The following KIF5C variants were observed in gnomAD, a reference collection of about 807,000 sequenced individuals.
KIF5C encodes the protein kinesin family member 5C, also known as kinesin heavy chain isoform 5C.
Under a neutral mutation model 125.2 loss-of-function variants are expected in KIF5C, and 18 were observed. The observed-to-expected ratio is 0.14, with a 90% CI of 0.10 to 0.21. The LOEUF is 0.21. Among genes scored for constraint, KIF5C ranks in the 10% least tolerant of loss-of-function variants. The pLI is 1.00. For synonymous variants in KIF5C, 405 were observed against 434.0 expected (o/e 0.93, Z 0.83); for missense variants, 780 against 1,183.8 (o/e 0.66, Z 5.01).
Position 149,011,599 on chromosome 2 carries a change from G to A in KIF5C, c.2797G>A (p.Ala933Thr). The A allele has an allele frequency of 1.2e-6, 2 of 1,614,064 alleles. No individual in the cohort carries two copies. The highest frequency in any genetic ancestry group is 1.1e-5 in the South Asian group (1 of 91,086). Residue 933 changes from alanine (A) to threonine (T), a missense_variant, in exon 25 of 26, where the codon GCC becomes ACC. Physicochemically the swap from Ala to Thr is moderately conservative, Grantham distance 58. Coordinates refer to ENST00000435030, the MANE Select transcript of KIF5C (RefSeq NM_004522.3). ...AKPIRPGHYP[A>T]SSPTAVHAIR... Reference sequence around the variant, plus strand: ...GCCCATCCGCCCCGGACACTACCCGGCCTCATCTCCAACGGCCGTCCATGC... The same window carrying A: ...GCCCATCCGCCCCGGACACTACCCGACCTCATCTCCAACGGCCGTCCATGC...
chr2:148,920,332 T>C (rs1017968332), intron 1 of KIF5C, among the ~76,000 whole-genome samples: 2 of 152,204 alleles, frequency 1.3e-5, no homozygotes, highest in African/African-American at 4.8e-5. Context: ...TATTTACTCT[T>C]ACCTTTTACC....
intron 3 of KIF5C, 41 bp from the exon 4 acceptor site, chr2:148,937,243 A>G (rs369951019): frequency 1.0e-5 from 16 of 1,553,120 alleles, no homozygotes; most frequent in Non-Finnish European, 1.4e-5. Context: ...TGTGTCTCCC[A>G]GCATGCTTTA....
chr2:148,935,761 A>G (rs1052241419), intron 3 of KIF5C, among the ~76,000 whole-genome samples: 1 of 152,200 alleles, frequency 6.6e-6, no homozygotes, highest in African/African-American at 2.4e-5. Context: ...AGCCCTTCTC[A>G]TGTCACTAAG....
At chr2:148,948,159 A>C (rs186567730) in intron 8 of KIF5C, among the ~76,000 whole-genome samples, 10 of 151,554 alleles carry the variant, frequency 6.6e-5, no homozygotes, top group Middle Eastern at 3.4e-3. Flanking sequence ...CATCCTGGCT[A>C]ACATGGTGAA....
chr2:148,923,725 C>A (rs1681883327), intron 2 of KIF5C, among the ~76,000 whole-genome samples: 1 of 152,094 alleles, frequency 6.6e-6, no homozygotes, highest in African/African-American at 2.4e-5. Context: ...AACATGAGGG[C>A]CATTTAAATA....
At chr2:149,008,149 G>A in intron 23 of KIF5C, 82 bp downstream of exon 23, 1 of 1,447,728 alleles carries the variant, frequency 6.9e-7, no homozygotes, top group African/African-American at 1.4e-5. Context: ...ACAGTGTGCG[G>A]AGAAGGCACT....
chr2:148,981,366 C>T lies in KIF5C; in HGVS notation c.1374C>T (p.Ser458=), dbSNP rs763818065. Residue 458 remains serine (S), a synonymous_variant, in exon 14 of 26, where the codon TCC becomes TCT. Coordinates refer to ENST00000435030, the MANE Select transcript of KIF5C (RefSeq NM_004522.3). The part of the protein sequence containing the change: ...QMLDQDELLA[S]TRRDYEKIQE... ...TCTCATTTCCCCAGCTTTTAGCTTC[C>T]ACAAGAAGAGACTATGAGAAGATAC... The T allele has an allele frequency of 2.4e-5, 39 of 1,609,176 alleles. No individual in the cohort carries two copies. In the South Asian group the frequency reaches 4.2e-4, roughly 18 times the overall value.
At chr2:148,941,211 C>A (rs1442863541) in intron 4 of KIF5C, among the ~76,000 whole-genome samples, 1 of 152,174 alleles carries the variant, frequency 6.6e-6, no homozygotes, top group Non-Finnish European at 1.5e-5. Flanking sequence ...TGGCTTCTTG[C>A]ATGTGAACAT....
intron 1 of KIF5C, among the ~76,000 whole-genome samples, chr2:148,893,106 A>G (rs945039677): frequency 6.6e-6 from 1 of 152,228 alleles, no homozygotes; most frequent in Non-Finnish European, 1.5e-5. Context: ...TATTGTCAAG[A>G]TAAGAAAGTA....
At chr2:148,910,235 CA>C (rs1681278951) in intron 1 of KIF5C, among the ~76,000 whole-genome samples, 1 of 152,114 alleles carries the variant, frequency 6.6e-6, no homozygotes, top group Non-Finnish European at 1.5e-5. Flanking sequence ...AACATATGTG[CA>C]ATTTGTAATT....
At chr2:148,931,183 A>G (rs1218252601) in intron 3 of KIF5C, among the ~76,000 whole-genome samples, 1 of 152,204 alleles carries the variant, frequency 6.6e-6, no homozygotes, top group African/African-American at 2.4e-5. Flanking sequence ...AACAAAAGCA[A>G]CCTGCATTAT....
intron 15 of KIF5C, among the ~76,000 whole-genome samples, chr2:148,989,449 TA>T (rs1255118334): frequency 5.3e-5 from 8 of 152,164 alleles, no homozygotes; most frequent in Admixed American, 5.2e-4. Flanking sequence ...TGTGCTGCCG[TA>T]AACATGCACG....
intron 16 of KIF5C, 96 bp downstream of exon 16, chr2:148,991,294 T>C: frequency 1.4e-6 from 2 of 1,469,802 alleles, no homozygotes; most frequent in Non-Finnish European, 1.8e-6. Context: ...TTAGGCTTAG[T>C]TGAGGGACTG....
At chr2:148,998,803 TG>T in intron 19 of KIF5C, 1 of 174,836 alleles carries the variant, frequency 5.7e-6, no homozygotes, top group Non-Finnish European at 1.0e-5. Context: ...CCCCAGTAGA[TG>T]GGGGGGAGCA....
intron 14 of KIF5C, among the ~76,000 whole-genome samples, chr2:148,982,912 T>C (rs1180110097): frequency 1.3e-5 from 2 of 152,254 alleles, no homozygotes; most frequent in Non-Finnish European, 2.9e-5. Context: ...ATAACTGTTT[T>C]ACTGATGTTA....
chr2:148,875,554 C>T lies in KIF5C; in HGVS notation c.-64C>T, dbSNP rs908200486. On this transcript the variant is annotated 5_prime_UTR_variant, in exon 1 of 26. Transcript: ENST00000435030. ...TGGGCGGTGCAGCTCGCGGCCTCCT[C>T]CCTCGTCGTTCCCGGCCCCGGCCCC... 7.4e-7 allele frequency: 1 copy of T among 1,343,516 alleles called. No homozygotes were observed. 83.2% of individuals were successfully genotyped at this position (1,343,516 alleles called of 1,614,324 possible).
intron 1 of KIF5C, chr2:148,883,936 C>T (rs572014470): frequency 6.6e-6 from 1 of 152,174 alleles, no homozygotes; most frequent in South Asian, 2.1e-4. Flanking sequence ...TTTTAAGACA[C>T]CCACCACAGT....
At chr2:149,004,694 T>G (rs1210925828) in intron 21 of KIF5C, among the ~76,000 whole-genome samples, 1 of 152,204 alleles carries the variant, frequency 6.6e-6, no homozygotes, top group African/African-American at 2.4e-5. Context: ...CTAGTCATCT[T>G]TATTGGGCAC....
intron 3 of KIF5C, among the ~76,000 whole-genome samples, chr2:148,933,416 T>A (rs1682218939): frequency 6.6e-6 from 1 of 151,594 alleles, no homozygotes; most frequent in African/African-American, 2.4e-5. Context: ...CTCACTCTCA[T>A]ACACACACAG....
Sources: gnomAD v4.1 joint callset for allele counts (sites outside exome capture counted in the v4.1 genomes callset) on GRCh38, gnomAD v4.1.1 for gene constraint, MANE v1.5 for transcripts, NCBI Gene and HGNC (gene_info 2026-07-23, HGNC 2026-07-21) for gene names.